Variants in RER1 observed in about 807,000 individuals in gnomAD.
RER1 encodes retention in endoplasmic reticulum sorting receptor 1.
In RER1, 6 loss-of-function variants were observed where a neutral mutation model predicts 28.3. That is an observed-to-expected ratio of 0.21 (90% confidence interval 0.12 to 0.42). The LOEUF (loss-of-function observed/expected upper bound fraction) is 0.42, where lower values mean the gene tolerates loss of function less well. Ranked by LOEUF, RER1 falls within the 10% of genes least tolerant of loss-of-function variation. The pLI is 1.00. For missense variants in RER1, 159 were observed against 252.9 expected, an observed-to-expected ratio of 0.63 and a Z score of 2.52; for synonymous variants, 110 against 95.9, an observed-to-expected ratio of 1.15 and a Z score of -0.86.
intron 6 of RER1, among the ~76,000 whole-genome samples, chr1:2,402,614 C>T (rs1642883659): frequency 1.3e-5 from 2 of 152,172 alleles, no homozygotes. Flanking sequence ...GTGCAGTGTC[C>T]CGGTGGCTCC....
rs2100398696 is a variant in RER1 at position 2,395,962 on chromosome 1, C to G, written c.81+91C>G. On this transcript the variant is annotated intron_variant, in intron 2 of 6. Coordinates refer to ENST00000605895, the MANE Select transcript of RER1 (RefSeq NM_007033.5). Reference sequence around the variant, plus strand: ...GGGAAGGATCTGTTTGCTGGTGTTCCTGATGGAGAAGTTACTTCGCCTCAG... The same window carrying G: ...GGGAAGGATCTGTTTGCTGGTGTTCGTGATGGAGAAGTTACTTCGCCTCAG... The G allele has an allele frequency of 7.9e-6, 8 of 1,013,196 alleles. No individual in the cohort carries two copies. The East Asian group carries it at 1.9e-4, about 24-fold the overall frequency. The allele number at this position is 1,013,196 out of a possible 1,614,324, so 62.8% of individuals were successfully genotyped here. A position where few individuals can be genotyped will look rare whatever the true frequency, so the allele number is the denominator to read the frequency against.
chr1:2,395,341 C>T (rs1316447349), intron 1 of RER1: 1 of 197,348 alleles, frequency 5.1e-6, no homozygotes, highest in Non-Finnish European at 1.1e-5. Context: ...TCCTGCCAGA[C>T]CAGAGACCCA....
intron 3 of RER1, among the ~76,000 whole-genome samples, chr1:2,399,075 G>A (rs1221192295): frequency 6.6e-6 from 1 of 152,214 alleles, no homozygotes; most frequent in Admixed American, 6.5e-5. Context: ...GGTGTAGCTT[G>A]AGCATGTGCT....
intron 2 of RER1, chr1:2,396,083 C>T (rs141424749): frequency 1.0e-4 from 58 of 560,424 alleles, no homozygotes; most frequent in Middle Eastern, 7.3e-4. Flanking sequence ...CAAACATATG[C>T]GTTTTCTGTT....
At chr1:2,402,121 T>TC in intron 5 of RER1, 86 bp from the exon 6 acceptor site, 1 of 1,613,616 alleles carries the variant, frequency 6.2e-7, no homozygotes, top group Middle Eastern at 1.6e-4. Flanking sequence ...GCGGGGACGG[T>TC]CGGTGCAGCT....
chr1:2,397,242 G>C (rs367786304), intron 3 of RER1, 22 bp downstream of exon 3: 3 of 1,525,744 alleles, frequency 2.0e-6, no homozygotes, highest in Non-Finnish European at 2.7e-6. Context: ...CTGAAGTGAC[G>C]AGACTTGGCT....
Position 2,403,539 on chromosome 1 carries a change from G to T in RER1, c.*415G>T. The T allele has an allele frequency of 3.8e-6, 1 of 263,176 alleles. No individual in the cohort carries two copies. The highest frequency in any genetic ancestry group is 7.5e-6 in the Non-Finnish European group (1 of 133,010). The allele number at this position is 263,176 out of a possible 1,614,324, so 16.3% of individuals were successfully genotyped here. ...TGCCAGCCACTCCACAGAGCCCGAG[G>T]GATGATCTAGCCTGATTCCTGCGTG... On this transcript the variant is annotated 3_prime_UTR_variant, in exon 7 of 7. Transcript: ENST00000605895.
At chr1:2,400,032 C>T (rs1028064461) in intron 4 of RER1, among the ~76,000 whole-genome samples, 2 of 152,224 alleles carry the variant, frequency 1.3e-5, no homozygotes, top group Non-Finnish European at 2.9e-5. Flanking sequence ...GTTCCTGGTG[C>T]TTCGTGCTCC....
rs1043200285 is a variant in RER1 at position 2,403,271 on chromosome 1, T to C, written c.*147T>C. ...GCTTCAATGATTTGTAACTGAAATA[T>C]CAGGTTCTAGAAGAAACTGGCGCTT... On this transcript the variant is annotated 3_prime_UTR_variant, in exon 7 of 7. Coordinates refer to ENST00000605895, the MANE Select transcript of RER1 (RefSeq NM_007033.5). The C allele has an allele frequency of 5.4e-5, 34 of 632,542 alleles. No homozygotes were observed. Among genetic ancestry groups the C allele is most frequent in the East Asian group, 8.5e-5 (3 of 35,402 alleles). 39.2% of individuals were successfully genotyped at this position (632,542 alleles called of 1,614,324 possible).
chr1:2,399,968 C>T (rs764945012), intron 4 of RER1, among the ~76,000 whole-genome samples: 23 of 152,198 alleles, frequency 1.5e-4, no homozygotes, highest in Non-Finnish European at 2.8e-4. Flanking sequence ...AGCATCGGGT[C>T]GGGTCAGGCT....
intron 5 of RER1, among the ~76,000 whole-genome samples, chr1:2,401,525 G>A (rs1353198118): frequency 2.0e-5 from 3 of 149,966 alleles, no homozygotes; most frequent in Non-Finnish European, 4.4e-5. Context: ...GTCCGTGTCT[G>A]CACGGGTAGG....
At chr1:2,392,631 A>G (rs1353272952) in intron 1 of RER1, among the ~76,000 whole-genome samples, 2 of 152,112 alleles carry the variant, frequency 1.3e-5, no homozygotes, top group Non-Finnish European at 2.9e-5. Context: ...TTTTCCCTTT[A>G]TGAAGAGTAG....
intron 1 of RER1, among the ~76,000 whole-genome samples, chr1:2,392,934 C>T (rs552725908): frequency 1.5e-4 from 9 of 60,512 alleles, no homozygotes; most frequent in African/African-American, 5.8e-4. Context: ...ACACCAGAGG[C>T]GTGAAGCTTG....
intron 1 of RER1, among the ~76,000 whole-genome samples, chr1:2,392,482 A>G (rs1642695191): frequency 6.6e-6 from 1 of 152,216 alleles, no homozygotes; most frequent in Non-Finnish European, 1.5e-5. Context: ...CTAAATAGGC[A>G]ATAAAATCAT....
intron 3 of RER1, among the ~76,000 whole-genome samples, chr1:2,397,553 C>A (rs962958400): frequency 6.6e-6 from 1 of 152,202 alleles, no homozygotes; most frequent in Non-Finnish European, 1.5e-5. Context: ...AGGTTGCGCT[C>A]TGTGGCTGCC....
In RER1 at chr1:2,404,613, C is replaced by T. The variant is rs1030315714; in HGVS notation, c.*1489C>T. ...CCTCCTCCGTCTCTGGCAAGCTGAC[C>T]TTGACTAACCCAGGAATACAGGGTC... On this transcript the variant is annotated 3_prime_UTR_variant, in exon 7 of 7. Transcript: ENST00000605895. 4 of 152,284 alleles carry T rather than the reference C, an allele frequency of 2.6e-5. No homozygotes were observed. Among genetic ancestry groups the T allele is most frequent in the Admixed American group, 6.5e-5 (1 of 15,286 alleles). The allele number at this position is 152,284 out of a possible 1,614,324, so 9.4% of individuals were successfully genotyped here.
Position 2,402,347 on chromosome 1 carries a change from A to G in RER1, c.501+5A>G, listed in dbSNP as rs1273634982. ...ACGATGAAGAGGCAAATCAAGGTAAAGCAGAGGCGCTGCCGCCACGCCGGC... is the reference window on the plus strand; with the variant it reads ...ACGATGAAGAGGCAAATCAAGGTAAGGCAGAGGCGCTGCCGCCACGCCGGC... On this transcript the variant is annotated splice_donor_5th_base_variant and intron_variant, in intron 6 of 6. Transcript: ENST00000605895. 2 of 1,614,050 alleles carry G rather than the reference A, an allele frequency of 1.2e-6. No individual in the cohort carries two copies. Among genetic ancestry groups the G allele is most frequent in the Admixed American group, 1.7e-5 (1 of 60,024 alleles).
intron 5 of RER1, chr1:2,401,967 T>C: frequency 3.5e-6 from 5 of 1,446,020 alleles, no homozygotes; most frequent in Non-Finnish European, 3.7e-6. Context: ...TTGTGTAGTT[T>C]TAAGAAGAAT....
In RER1 at chr1:2,405,109, G is replaced by A. The variant is rs1642954625; in HGVS notation, c.*1985G>A. ...GTCTCAGGCTGAGATGCAGATTTCTGTTTTCTAAAACTGGAAGCGACCTTG... is the reference window on the plus strand; with the variant it reads ...GTCTCAGGCTGAGATGCAGATTTCTATTTTCTAAAACTGGAAGCGACCTTG... On this transcript the variant is annotated 3_prime_UTR_variant, in exon 7 of 7. Transcript: ENST00000605895. 6.2e-6 allele frequency: 1 copy of A among 160,566 alleles called. No individual in the cohort carries two copies. Among genetic ancestry groups the A allele is most frequent in the Admixed American group, 5.8e-5 (1 of 17,122 alleles). The allele number at this position is 160,566 out of a possible 1,614,324, so 9.9% of individuals were successfully genotyped here. A position where few individuals can be genotyped will look rare whatever the true frequency, so the allele number is the denominator to read the frequency against.
Sources: allele counts gnomAD v4.1 joint callset (sites outside exome capture counted in the v4.1 genomes callset), GRCh38; gene constraint gnomAD v4.1.1; transcripts MANE v1.5; gene names NCBI Gene and HGNC (gene_info 2026-07-23, HGNC 2026-07-21).